The following FREM1 variants were observed in gnomAD, a reference collection of about 807,000 sequenced individuals.
FREM1 encodes FRAS1 related extracellular matrix 1, also known as FRAS1-related extracellular matrix protein 1.
A neutral mutation model predicts 210.1 loss-of-function variants in FREM1; 220 were observed. The observed-to-expected ratio is 1.05, with a 90% CI of 0.94 to 1.17. The LOEUF is 1.17. Among genes scored for constraint, FREM1 ranks in the 50% most tolerant of loss-of-function variants. The pLI, the probability that FREM1 is intolerant of heterozygous loss-of-function variation, is 0.00. For missense variants in FREM1, 3,454 were observed against 2,675.5 expected, an observed-to-expected ratio of 1.29 and a Z score of -6.42; for synonymous variants, 1,189 against 980.2, an observed-to-expected ratio of 1.21 and a Z score of -3.98.
chr9:14,857,222 A>T (rs1032716376), intron 5 of FREM1, among the ~76,000 whole-genome samples: 2 of 152,096 alleles, frequency 1.3e-5, no homozygotes, highest in African/African-American at 4.8e-5. Context: ...ATCAAAGAGA[A>T]GGTGTTATAA....
rs570007089 is a variant in FREM1 at position 14,871,682 on chromosome 9, T to G, written c.-267-2438A>C. On this transcript the variant is annotated intron_variant, in intron 1 of 36. Coordinates refer to ENST00000380880, the MANE Select transcript of FREM1 (RefSeq NM_001379081.2). Reference sequence around the variant, plus strand: ...AATTAGATCCCATTTGTCAATTTTGTCTTTTGTTTCCATTGCTTTTGGTGT... The same window carrying G: ...AATTAGATCCCATTTGTCAATTTTGGCTTTTGTTTCCATTGCTTTTGGTGT... Among the ~76,000 whole-genome samples, 12 of 152,206 alleles carry G rather than the reference T, an allele frequency of 7.9e-5. No homozygotes were observed. The South Asian group carries it at 8.3e-4, about 11-fold the overall frequency.
At chr9:14,866,776 T>C (rs1444306958) in intron 2 of FREM1, among the ~76,000 whole-genome samples, 1 of 152,188 alleles carries the variant, frequency 6.6e-6, no homozygotes, top group Non-Finnish European at 1.5e-5. Context: ...AGTACAGCCC[T>C]GGGTTCCTGC....
intron 1 of FREM1, among the ~76,000 whole-genome samples, chr9:14,881,275 A>G (rs1339004851): frequency 6.6e-6 from 1 of 152,196 alleles, no homozygotes; most frequent in Non-Finnish European, 1.5e-5. Context: ...CATGTTGTGT[A>G]TCACTGGTCA....
At chr9:14,746,295 G>T in intron 35 of FREM1, 58 bp downstream of exon 35, 1 of 1,250,148 alleles carries the variant, frequency 8.0e-7, no homozygotes, top group Non-Finnish European at 1.2e-6. Context: ...GCTTCCATGA[G>T]CAAATAGAGA....
At chr9:14,764,918 C>T (rs550378702) in intron 27 of FREM1, among the ~76,000 whole-genome samples, 2 of 152,238 alleles carry the variant, frequency 1.3e-5, no homozygotes, top group South Asian at 4.1e-4. Context: ...GATATTTAGC[C>T]TGTCTATGCC....
At chr9:14,792,112 G>C (rs565232907) in intron 22 of FREM1, among the ~76,000 whole-genome samples, 1 of 152,108 alleles carries the variant, frequency 6.6e-6, no homozygotes, top group Non-Finnish European at 1.5e-5. Context: ...CAAAGTGCTG[G>C]GATTCAGATA....
At chr9:14,805,685 G>A (rs1167671620) in intron 18 of FREM1, among the ~76,000 whole-genome samples, 1 of 152,176 alleles carries the variant, frequency 6.6e-6, no homozygotes, top group African/African-American at 2.4e-5. Context: ...TGTGCATTAA[G>A]TCACCAGAAA....
chr9:14,877,636 G>C (rs1274216851), intron 1 of FREM1, among the ~76,000 whole-genome samples: 1 of 152,004 alleles, frequency 6.6e-6, no homozygotes, highest in African/African-American at 2.4e-5. Context: ...GGAACCAGGG[G>C]CTCTCCTGCT....
chr9:14,795,130 T>C (rs950280624), intron 21 of FREM1, among the ~76,000 whole-genome samples: 1 of 152,370 alleles, frequency 6.6e-6, no homozygotes, highest in Non-Finnish European at 1.5e-5. Context: ...CTTGTCTTTG[T>C]ATTTTTACAA....
Position 14,756,383 on chromosome 9 carries a change from A to G in FREM1, c.5398T>C (p.Phe1800Leu). Residue 1800 changes from phenylalanine to leucine, a missense_variant, in exon 29 of 37, where the codon TTT becomes CTT. Phe to Leu is a conservative substitution (Grantham distance 22, BLOSUM62 0). Transcript: ENST00000380880. ...CAGACACAAAATGTACCTGGGTCAAACTGAATCAGTTTAGATGGAATCACG... is the reference window on the plus strand; with the variant it reads ...CAGACACAAAATGTACCTGGGTCAAGCTGAATCAGTTTAGATGGAATCACG... ...FTVIPSKLIQ[F>L]DPGMSTKMWN... is the part of the protein sequence containing the mutation. 1 of 1,597,790 alleles carries G rather than the reference A, an allele frequency of 6.3e-7. No homozygotes were observed. Among genetic ancestry groups the G allele is most frequent in the South Asian group, 1.1e-5 (1 of 87,254 alleles).
At chr9:14,827,740 A>C (rs906358852) in intron 10 of FREM1, among the ~76,000 whole-genome samples, 2 of 152,178 alleles carry the variant, frequency 1.3e-5, no homozygotes, top group African/African-American at 4.8e-5. Flanking sequence ...ACAGGTTCAG[A>C]ATGCCAGGGC....
At chr9:14,861,177 A>G (rs1222943936) in intron 3 of FREM1, among the ~76,000 whole-genome samples, 1 of 130,146 alleles carries the variant, frequency 7.7e-6, no homozygotes, top group Non-Finnish European at 1.6e-5. Flanking sequence ...ATGTATGTAC[A>G]TATATACACA....
Position 14,770,744 on chromosome 9 carries a change from C to G in FREM1, c.4920G>C (p.Gly1640=), listed in dbSNP as rs762137224. The G allele has an allele frequency of 1.2e-6, 2 of 1,613,352 alleles. No individual in the cohort carries two copies. The highest frequency in any genetic ancestry group is 1.7e-6 in the Non-Finnish European group (2 of 1,179,624). Residue 1640 remains glycine, a synonymous_variant, in exon 26 of 37, where the codon GGG becomes GGC. Transcript: ENST00000380880. The part of the protein sequence containing the change: ...ITLLHSPSQV[G]LLKNGCYGIY... Reference sequence around the variant, plus strand: ...TCCCGTAGCAGCCATTTTTCAGGAGCCCCACTTGAGAAGGGGAATGCAAGA... The same window carrying G: ...TCCCGTAGCAGCCATTTTTCAGGAGGCCCACTTGAGAAGGGGAATGCAAGA...
chr9:14,777,517 G>T (rs1390965164), intron 24 of FREM1, among the ~76,000 whole-genome samples: 1 of 152,106 alleles, frequency 6.6e-6, no homozygotes. Context: ...AATATTCGTA[G>T]AGGATGCACT....
intron 13 of FREM1, among the ~76,000 whole-genome samples, chr9:14,821,082 G>C (rs1050137791): frequency 6.6e-6 from 1 of 152,116 alleles, no homozygotes; most frequent in African/African-American, 2.4e-5. Flanking sequence ...TTCTTGCCCA[G>C]ATCCAGTGCT....
chr9:14,854,604 G>T lies in FREM1; in HGVS notation c.828+2949C>A, dbSNP rs145312058. 4.0e-3 allele frequency among the ~76,000 whole-genome samples: 609 copies of T among 151,884 alleles called. 5 individuals carry two copies. The highest frequency in any genetic ancestry group is 0.014 in the African/African-American group (582 of 41,484). Reference sequence around the variant, plus strand: ...GTGGGGAATAGAGCAAAAATAAGAAGAATAATTACAGGAAAAGAAAGAACA... The same window carrying T: ...GTGGGGAATAGAGCAAAAATAAGAATAATAATTACAGGAAAAGAAAGAACA... On this transcript the variant is annotated intron_variant, in intron 5 of 36. Transcript: ENST00000380880.
chr9:14,869,369 A>G (rs1003460255), intron 1 of FREM1, 125 bp from the exon 2 acceptor site: 1 of 173,464 alleles, frequency 5.8e-6, no homozygotes, highest in African/African-American at 2.4e-5. Context: ...TAAATTAAAA[A>G]CAAATAAACT....
intron 7 of FREM1, among the ~76,000 whole-genome samples, chr9:14,848,004 G>A (rs1826996923): frequency 6.6e-6 from 1 of 152,100 alleles, no homozygotes; most frequent in Admixed American, 6.5e-5. Context: ...ACACACACGA[G>A]GCAGCTCGTT....
At chr9:14,821,931 C>T (rs1385932657) in intron 13 of FREM1, among the ~76,000 whole-genome samples, 2 of 152,122 alleles carry the variant, frequency 1.3e-5, no homozygotes, top group Non-Finnish European at 2.9e-5. Context: ...GTGGTTTGGC[C>T]ATGTCCCTAC....
Sources: gnomAD v4.1 joint callset for allele counts (sites outside exome capture counted in the v4.1 genomes callset) on GRCh38, gnomAD v4.1.1 for gene constraint, MANE v1.5 for transcripts, NCBI Gene and HGNC (gene_info 2026-07-23, HGNC 2026-07-21) for gene names.